Variants in SLC39A9 observed in about 807,000 individuals in gnomAD.
The protein encoded by SLC39A9 is zinc transporter ZIP9.
A neutral mutation model predicts 28.4 loss-of-function variants in SLC39A9; 14 were observed. That is an observed-to-expected ratio of 0.49 (90% CI 0.33 to 0.77). The LOEUF (loss-of-function observed/expected upper bound fraction) is 0.77, where lower values mean the gene tolerates loss of function less well. Among genes scored for constraint, SLC39A9 ranks in the 30% least tolerant of loss-of-function variants. The pLI is 0.02. For missense variants in SLC39A9, 283 were observed against 381.1 expected, an observed-to-expected ratio of 0.74 and a Z score of 2.14; for synonymous variants, 119 against 149.6, an observed-to-expected ratio of 0.80 and a Z score of 1.49.
At chr14:69,426,812 T>A (rs1353903083) in intron 2 of SLC39A9, among the ~76,000 whole-genome samples, 1 of 152,154 alleles carries the variant, frequency 6.6e-6, no homozygotes, top group African/African-American at 2.4e-5. Flanking sequence ...CCAGGAACTG[T>A]GGACAAAAAC....
chr14:69,454,982 G>T, intron 5 of SLC39A9, 85 bp downstream of exon 5: 1 of 995,140 alleles, frequency 1.0e-6, no homozygotes, highest in Non-Finnish European at 1.5e-6. Context: ...TTCCTGGAAT[G>T]GGAACATTTT....
At chr14:69,408,094 A>G (rs983353734) in intron 1 of SLC39A9, among the ~76,000 whole-genome samples, 5 of 149,154 alleles carry the variant, frequency 3.4e-5, no homozygotes, top group South Asian at 2.2e-4. Context: ...GCTCACCACA[A>G]CCTCTCTCTT....
intron 1 of SLC39A9, among the ~76,000 whole-genome samples, chr14:69,407,559 C>T (rs558036030): frequency 6.6e-6 from 1 of 152,016 alleles, no homozygotes; most frequent in African/African-American, 2.4e-5. Context: ...AAACTCCTTA[C>T]CTCAGGTGGT....
At chr14:69,409,289 G>A (rs749858597) in intron 1 of SLC39A9, among the ~76,000 whole-genome samples, 12 of 152,102 alleles carry the variant, frequency 7.9e-5, no homozygotes, top group Admixed American at 1.3e-4. Flanking sequence ...TAACCTGGTA[G>A]TATATCATAA....
intron 2 of SLC39A9, 164 bp from the exon 3 acceptor site, chr14:69,441,905 A>C (rs984124385): frequency 1.4e-5 from 20 of 1,398,310 alleles, no homozygotes; most frequent in Non-Finnish European, 1.8e-5. Flanking sequence ...TTTCATCATG[A>C]ACTTTAAGTT....
At chr14:69,437,856 G>A (rs1274466178) in intron 2 of SLC39A9, among the ~76,000 whole-genome samples, 1 of 151,872 alleles carries the variant, frequency 6.6e-6, no homozygotes, top group Non-Finnish European at 1.5e-5. Context: ...AAAGTGCTGG[G>A]AAGAGTAACT....
At chr14:69,444,427 A>G (rs1028562157) in intron 3 of SLC39A9, among the ~76,000 whole-genome samples, 3 of 152,176 alleles carry the variant, frequency 2.0e-5, no homozygotes, top group African/African-American at 7.2e-5. Context: ...AAGATGTTCA[A>G]TTTCACTTGA....
chr14:69,437,795 C>G (rs1884849933), intron 2 of SLC39A9, among the ~76,000 whole-genome samples: 1 of 151,908 alleles, frequency 6.6e-6, no homozygotes, highest in African/African-American at 2.4e-5. Context: ...ACCATCTTGG[C>G]CAGGCTGGTC....
At chr14:69,434,036 C>T (rs939151131) in intron 2 of SLC39A9, among the ~76,000 whole-genome samples, 23 of 151,756 alleles carry the variant, frequency 1.5e-4, no homozygotes, top group East Asian at 9.7e-4. Context: ...CCTCCCACCT[C>T]GGCCTCCCAA....
intron 6 of SLC39A9, among the ~76,000 whole-genome samples, chr14:69,457,444 G>T (rs965946026): frequency 2.0e-5 from 3 of 151,534 alleles, no homozygotes; most frequent in Non-Finnish European, 4.4e-5. Context: ...CTCGTGATCC[G>T]CCCACCTTGG....
chr14:69,461,231 G>A lies in SLC39A9; in HGVS notation c.*2638G>A, dbSNP rs1228074894. ...TTAATCTTAATTGCAATTTGACTCCGTTTCCTTGGTAGGGATAGACTTTCT... is the reference window on the plus strand; with the variant it reads ...TTAATCTTAATTGCAATTTGACTCCATTTCCTTGGTAGGGATAGACTTTCT... On this transcript the variant is annotated 3_prime_UTR_variant, in exon 7 of 7. Transcript: ENST00000336643. The A allele has an allele frequency of 6.1e-6, 6 of 987,126 alleles. No homozygotes were observed. The highest frequency in any genetic ancestry group is 1.7e-5 in the African/African-American group (1 of 57,250). 61.1% of individuals were successfully genotyped at this position (987,126 alleles called of 1,614,324 possible).
intron 2 of SLC39A9, among the ~76,000 whole-genome samples, chr14:69,426,329 A>C (rs1260583280): frequency 2.0e-5 from 3 of 152,164 alleles, no homozygotes; most frequent in Non-Finnish European, 2.9e-5. Context: ...GGGTTCAGTC[A>C]ATTTGCAAGA....
intron 1 of SLC39A9, among the ~76,000 whole-genome samples, chr14:69,400,765 ATTG>A (rs1882586383): frequency 2.0e-5 from 3 of 152,126 alleles, no homozygotes; most frequent in African/African-American, 7.2e-5. Flanking sequence ...AGATGCTTAA[ATTG>A]TTGTTGTTCT....
chr14:69,410,401 C>A (rs1179035965), intron 1 of SLC39A9, among the ~76,000 whole-genome samples: 1 of 152,118 alleles, frequency 6.6e-6, no homozygotes, highest in Non-Finnish European at 1.5e-5. Context: ...CAAGTAATAA[C>A]AACCCCTACT....
Position 69,460,506 on chromosome 14 carries a change from C to G in SLC39A9, c.*1913C>G, listed in dbSNP as rs1886066497. 1.4e-5 allele frequency: 14 copies of G among 985,428 alleles called. No homozygotes were observed. The highest frequency in any genetic ancestry group is 1.7e-5 in the Non-Finnish European group (14 of 829,928). 61.0% of individuals were successfully genotyped at this position (985,428 alleles called of 1,614,324 possible). ...TCAAAACTATATGGTTGCCTAGATT[C>G]TCTCTGGAAACTGACTTTGTCAAAT... On this transcript the variant is annotated 3_prime_UTR_variant, in exon 7 of 7. Transcript: ENST00000336643.
intron 1 of SLC39A9, among the ~76,000 whole-genome samples, chr14:69,415,831 A>G (rs1594910095): frequency 6.6e-6 from 1 of 152,214 alleles, no homozygotes; most frequent in Non-Finnish European, 1.5e-5. Context: ...TAATATTTAC[A>G]AAAGCTAGTT....
At chr14:69,439,379 C>T (rs1044734858) in intron 2 of SLC39A9, among the ~76,000 whole-genome samples, 23 of 152,078 alleles carry the variant, frequency 1.5e-4, no homozygotes, top group Non-Finnish European at 2.8e-4. Context: ...AAATAAAATA[C>T]TTGGGCATAA....
At chr14:69,453,549 A>G (rs1459825521) in intron 4 of SLC39A9, among the ~76,000 whole-genome samples, 1 of 152,154 alleles carries the variant, frequency 6.6e-6, no homozygotes, top group Non-Finnish European at 1.5e-5. Flanking sequence ...AGAGGAACAT[A>G]CTGTAGCACA....
intron 2 of SLC39A9, among the ~76,000 whole-genome samples, chr14:69,433,807 G>A (rs750563445): frequency 2.0e-5 from 3 of 151,520 alleles, no homozygotes; most frequent in Admixed American, 6.6e-5. Context: ...TTTCTTTGAG[G>A]CAGGGTCTCA....
Sources: allele counts gnomAD v4.1 joint callset (sites outside exome capture counted in the v4.1 genomes callset), GRCh38; gene constraint gnomAD v4.1.1; transcripts MANE v1.5; gene names NCBI Gene and HGNC (gene_info 2026-07-23, HGNC 2026-07-21).